Variants in TOM1L2 observed in about 807,000 individuals in gnomAD.
The protein encoded by TOM1L2 is TOM1-like protein 2.
Under a neutral mutation model 67.9 loss-of-function variants are expected in TOM1L2, and 31 were observed. That is an observed-to-expected ratio of 0.46 (90% CI 0.34 to 0.62). The LOEUF is 0.62. TOM1L2 is among the 20% of genes least tolerant of loss of function. The pLI is 0.01. For synonymous variants in TOM1L2, 256 were observed against 254.0 expected, an observed-to-expected ratio of 1.01 and a Z score of -0.07; for missense variants, 606 against 663.5, an observed-to-expected ratio of 0.91 and a Z score of 0.95.
Position 17,866,526 on chromosome 17 carries a change from G to A in TOM1L2, c.961-107C>T, listed in dbSNP as rs1265462896. Reference sequence around the variant, plus strand: ...GGGTTCCAAGAAGAAAAGTATCAGCGCTGCTCTAGTACAGAAGCAAGGCCA... The same window carrying A: ...GGGTTCCAAGAAGAAAAGTATCAGCACTGCTCTAGTACAGAAGCAAGGCCA... On this transcript the variant is annotated intron_variant, in intron 9 of 14. Coordinates refer to ENST00000379504, the MANE Select transcript of TOM1L2 (RefSeq NM_001082968.2). 1.4e-5 allele frequency: 19 copies of A among 1,393,742 alleles called. No homozygotes were observed. In the Middle Eastern group the frequency reaches 5.6e-4, roughly 41 times the overall value. The allele number at this position is 1,393,742 out of a possible 1,614,324, so 86.3% of individuals were successfully genotyped here.
chr17:17,876,878 A>C (rs574183956), intron 7 of TOM1L2, among the ~76,000 whole-genome samples: 5 of 152,382 alleles, frequency 3.3e-5, no homozygotes, highest in African/African-American at 1.2e-4. Context: ...ACACGCAGAA[A>C]GACCCAACAG....
At chr17:17,907,125 G>A (rs1199482646) in intron 2 of TOM1L2, among the ~76,000 whole-genome samples, 1 of 152,224 alleles carries the variant, frequency 6.6e-6, no homozygotes, top group African/African-American at 2.4e-5. Context: ...GGGAGGAGGG[G>A]AGGGACGAGG....
At chr17:17,970,307 G>A (rs528424388) in intron 1 of TOM1L2, among the ~76,000 whole-genome samples, 6 of 151,496 alleles carry the variant, frequency 4.0e-5, no homozygotes, top group Non-Finnish European at 8.8e-5. Flanking sequence ...CTTGTGATCC[G>A]CCCGCCTCAA....
intron 1 of TOM1L2, among the ~76,000 whole-genome samples, chr17:17,927,517 G>A (rs1382348928): frequency 6.6e-6 from 1 of 152,218 alleles, no homozygotes; most frequent in Non-Finnish European, 1.5e-5. Flanking sequence ...GAAGAACATG[G>A]TGGAGCAAAT....
intron 7 of TOM1L2, among the ~76,000 whole-genome samples, chr17:17,878,239 C>CA (rs1456020665): frequency 6.6e-6 from 1 of 152,242 alleles, no homozygotes; most frequent in Non-Finnish European, 1.5e-5. Context: ...TGAGCTGAGG[C>CA]AAGCCTGGGC....
chr17:17,882,068 G>A (rs1289258110), intron 6 of TOM1L2, among the ~76,000 whole-genome samples: 1 of 152,200 alleles, frequency 6.6e-6, no homozygotes, highest in Non-Finnish European at 1.5e-5. Context: ...CCAGTGTGGG[G>A]TTAAAACTGC....
intron 1 of TOM1L2, among the ~76,000 whole-genome samples, chr17:17,948,295 G>A (rs1471011907): frequency 2.6e-5 from 4 of 152,156 alleles, no homozygotes; most frequent in Non-Finnish European, 4.4e-5. Flanking sequence ...TACAGCTGGG[G>A]AGGGCAATAG....
chr17:17,870,613 A>G (rs1474329933), intron 7 of TOM1L2, among the ~76,000 whole-genome samples: 1 of 152,234 alleles, frequency 6.6e-6, no homozygotes. Flanking sequence ...CTCAGCCTCA[A>G]AACGACTTCA....
At chr17:17,893,911 G>T in intron 3 of TOM1L2, 101 bp from the exon 4 acceptor site, 1 of 1,261,792 alleles carries the variant, frequency 7.9e-7, no homozygotes, top group Non-Finnish European at 1.1e-6. Context: ...CCTCTGTCTT[G>T]CTCCTAGATC....
intron 1 of TOM1L2, among the ~76,000 whole-genome samples, chr17:17,956,804 G>T (rs894274681): frequency 2.6e-5 from 4 of 152,206 alleles, no homozygotes; most frequent in Non-Finnish European, 4.4e-5. Context: ...CAGAACTCGC[G>T]CTGGCCCGCA....
At chr17:17,848,524 G>C (rs1316157255) in intron 14 of TOM1L2, among the ~76,000 whole-genome samples, 1 of 152,230 alleles carries the variant, frequency 6.6e-6, no homozygotes, top group Non-Finnish European at 1.5e-5. Context: ...TGTCTGAGCT[G>C]GGCTGAGCAC....
chr17:17,877,878 A>G (rs1181755329), intron 7 of TOM1L2, among the ~76,000 whole-genome samples: 2 of 138,442 alleles, frequency 1.4e-5, no homozygotes, highest in African/African-American at 5.5e-5. Flanking sequence ...GGGCTTGTTT[A>G]AAAAAAAAAA....
intron 1 of TOM1L2, among the ~76,000 whole-genome samples, chr17:17,934,542 G>C (rs1343116300): frequency 6.6e-6 from 1 of 152,208 alleles, no homozygotes; most frequent in Non-Finnish European, 1.5e-5. Flanking sequence ...CATCTTAGTA[G>C]TGAGAGTAAT....
At chr17:17,854,938 A>G (rs2036184970) in intron 12 of TOM1L2, among the ~76,000 whole-genome samples, 1 of 152,314 alleles carries the variant, frequency 6.6e-6, no homozygotes, top group Admixed American at 6.5e-5. Context: ...ACAGAAAGGA[A>G]GAAGACATGT....
chr17:17,947,190 G>A (rs2040988686), intron 1 of TOM1L2, among the ~76,000 whole-genome samples: 2 of 151,932 alleles, frequency 1.3e-5, no homozygotes, highest in Non-Finnish European at 2.9e-5. Context: ...CATCCAGTGA[G>A]CTTTTCAGTT....
intron 4 of TOM1L2, among the ~76,000 whole-genome samples, chr17:17,890,012 T>C (rs1598275187): frequency 6.6e-6 from 1 of 152,170 alleles, no homozygotes; most frequent in Non-Finnish European, 1.5e-5. Flanking sequence ...AGGCAGCCAG[T>C]GACCTGTCAC....
intron 1 of TOM1L2, among the ~76,000 whole-genome samples, chr17:17,942,379 G>C (rs1210830822): frequency 6.6e-6 from 1 of 152,152 alleles, no homozygotes; most frequent in Non-Finnish European, 1.5e-5. Flanking sequence ...CAAGATCTCA[G>C]GCAAGTTCAT....
chr17:17,967,361 A>G lies in TOM1L2; in HGVS notation c.52+4901T>C, dbSNP rs73303826. ...CTTTGAATCTAAACTTTACTCTTGG[A>G]AAAGGATTTTCTGAAAACTTTTTCT... On this transcript the variant is annotated intron_variant, in intron 1 of 14. Transcript: ENST00000379504. Among the ~76,000 whole-genome samples the G allele has an allele frequency of 4.1e-3, 627 of 152,302 alleles. 6 individuals are homozygous for G. Among genetic ancestry groups the G allele is most frequent in the African/African-American group, 0.014 (595 of 41,538 alleles).
chr17:17,956,476 C>G (rs1007649912), intron 1 of TOM1L2, among the ~76,000 whole-genome samples: 4 of 152,234 alleles, frequency 2.6e-5, no homozygotes, highest in African/African-American at 9.6e-5. Context: ...AGCTGCCTGC[C>G]AGTCCCTGGC....
Sources: gnomAD v4.1 joint callset for allele counts (sites outside exome capture counted in the v4.1 genomes callset) on GRCh38, gnomAD v4.1.1 for gene constraint, MANE v1.5 for transcripts, NCBI Gene and HGNC (gene_info 2026-07-23, HGNC 2026-07-21) for gene names.